Variants in STS observed in about 807,000 individuals in gnomAD.
STS encodes the protein steryl-sulfatase.
Under a neutral mutation model 26.8 loss-of-function variants are expected in STS, and 7 were observed. The ratio of observed to expected loss-of-function variants is 0.26; its 90% CI spans 0.15 to 0.49. STS has a LOEUF of 0.49. Ranked by LOEUF, STS falls within the 20% of genes least tolerant of loss-of-function variation. The pLI is 0.98. For missense variants in STS, 434 were observed against 465.6 expected (o/e 0.93, Z 0.63); for synonymous variants, 199 against 189.4 (o/e 1.05, Z -0.42).
chrX:7,230,862 G>A (rs1922028473), intron 2 of STS, among the ~76,000 whole-genome samples: 1 of 111,658 alleles, frequency 9.0e-6, no homozygotes, highest in Non-Finnish European at 1.9e-5. Flanking sequence ...ACCATATTAG[G>A]CATAAAAGGA....
chrX:7,268,743 G>C (rs1447065047), intron 6 of STS, among the ~76,000 whole-genome samples: 3 of 111,661 alleles, frequency 2.7e-5, no homozygotes, highest in Non-Finnish European at 5.6e-5. Flanking sequence ...CGGGCACAGT[G>C]GCTCATGCCT....
At chrX:7,251,093 T>A (rs754872281) in intron 2 of STS, among the ~76,000 whole-genome samples, 1 of 112,286 alleles carries the variant, frequency 8.9e-6, no homozygotes, top group East Asian at 2.8e-4. Flanking sequence ...TGGAAGCTGC[T>A]ACAAGGGTGA....
At chrX:7,268,106 TG>T (rs1424659671) in intron 6 of STS, among the ~76,000 whole-genome samples, 1 of 107,788 alleles carries the variant, frequency 9.3e-6, no homozygotes, top group South Asian at 4.2e-4. Flanking sequence ...AATCAAGGGG[TG>T]GGGGGGAAAC....
At chrX:7,241,644 C>T (rs1006411482) in intron 2 of STS, among the ~76,000 whole-genome samples, 1 of 112,089 alleles carries the variant, frequency 8.9e-6, no homozygotes, top group African/African-American at 3.2e-5. Flanking sequence ...ACAAAATTGA[C>T]CTTCTCACCT....
Position 7,257,449 on chromosome X carries a change from AT to A in STS, c.260-11del. On this transcript the variant is annotated splice_polypyrimidine_tract_variant and intron_variant, in intron 4 of 10. Coordinates refer to ENST00000674429, the MANE Select transcript of STS (RefSeq NM_001320752.2). ...GGTATCTCCTGGTTCCTAAGGGTTGATTTTTTCCTGGTCCAGGAATGGCATC... is the reference window on the plus strand; with the variant it reads ...GGTATCTCCTGGTTCCTAAGGGTTGATTTTTCCTGGTCCAGGAATGGCATC... The A allele has an allele frequency of 8.3e-7, 1 of 1,211,652 alleles. No homozygotes were observed. The highest frequency in any genetic ancestry group is 1.1e-6 in the Non-Finnish European group (1 of 895,389).
At chrX:7,184,051 A>G (rs199644893) in intron 1 of STS, among the ~76,000 whole-genome samples, 1 of 112,019 alleles carries the variant, frequency 8.9e-6, no homozygotes, top group South Asian at 3.8e-4. Flanking sequence ...TAAATGGAAG[A>G]CTAGCAATTC....
chrX:7,334,620 C>T (rs1723467554), intron 10 of STS, among the ~76,000 whole-genome samples: 1 of 111,832 alleles, frequency 8.9e-6, no homozygotes, highest in Non-Finnish European at 1.9e-5. Context: ...CAAAACATTC[C>T]CCTCACTCTT....
chrX:7,321,169 C>A (rs1195725297), intron 8 of STS, among the ~76,000 whole-genome samples: 15 of 111,537 alleles, frequency 1.3e-4, no homozygotes, highest in Non-Finnish European at 2.6e-4. Flanking sequence ...AATTAATGCA[C>A]GAACCTAAAA....
chrX:7,206,564 A>G (rs1425218522), intron 2 of STS, among the ~76,000 whole-genome samples: 2 of 112,166 alleles, frequency 1.8e-5, no homozygotes, highest in Non-Finnish European at 3.8e-5. Flanking sequence ...ATCTGCAAAA[A>G]TGGCTATTTC....
chrX:7,223,620 A>T (rs746006853), intron 2 of STS, among the ~76,000 whole-genome samples: 10 of 106,650 alleles, frequency 9.4e-5, no homozygotes, highest in Non-Finnish European at 1.7e-4. Context: ...TTTTTTTCTC[A>T]TTGAGTTGTT....
At chrX:7,332,146 G>A (rs1927780979) in intron 9 of STS, among the ~76,000 whole-genome samples, 1 of 109,115 alleles carries the variant, frequency 9.2e-6, no homozygotes, top group African/African-American at 3.3e-5. Flanking sequence ...TTCAAGGCCA[G>A]TCTGGGCAAA....
intron 2 of STS, among the ~76,000 whole-genome samples, chrX:7,244,503 T>C (rs1922773547): frequency 8.9e-6 from 1 of 111,897 alleles, no homozygotes; most frequent in South Asian, 3.8e-4. Context: ...AGGGAATGAA[T>C]TGCAATTCTG....
At chrX:7,176,097 G>A (rs1450927139) in intron 1 of STS, among the ~76,000 whole-genome samples, 5 of 111,472 alleles carry the variant, frequency 4.5e-5, no homozygotes, top group Admixed American at 9.6e-5. Context: ...TTTCCATTCA[G>A]AATATTCCTT....
intron 9 of STS, among the ~76,000 whole-genome samples, chrX:7,325,773 G>C (rs1166323177): frequency 2.7e-5 from 3 of 112,295 alleles, no homozygotes; most frequent in Non-Finnish European, 5.6e-5. Flanking sequence ...GTGTGTAGAA[G>C]TAGGATTGGA....
intron 2 of STS, among the ~76,000 whole-genome samples, chrX:7,242,914 A>C (rs1376913907): frequency 8.9e-6 from 1 of 112,031 alleles, no homozygotes; most frequent in Admixed American, 9.5e-5. Flanking sequence ...GACTGCTATA[A>C]TGTCATCTTT....
intron 2 of STS, among the ~76,000 whole-genome samples, chrX:7,201,672 T>C (rs1267809677): frequency 9.1e-6 from 1 of 110,332 alleles, no homozygotes; most frequent in Non-Finnish European, 1.9e-5. Context: ...CAAGTTGTTA[T>C]TGCTTCATGG....
chrX:7,273,008 G>A (rs1042166510), intron 6 of STS, among the ~76,000 whole-genome samples: 4 of 110,864 alleles, frequency 3.6e-5, no homozygotes, highest in Non-Finnish European at 7.6e-5. Context: ...AAATTAGCTG[G>A]GCATGGTGGT....
chrX:7,324,136 C>G (rs1444227617), intron 8 of STS, among the ~76,000 whole-genome samples: 4 of 108,348 alleles, frequency 3.7e-5, no homozygotes, highest in Non-Finnish European at 7.6e-5. Context: ...GTACATTGTT[C>G]AGTCTGGAAA....
intron 2 of STS, among the ~76,000 whole-genome samples, chrX:7,205,072 G>C (rs1182081868): frequency 3.6e-5 from 4 of 111,676 alleles, no homozygotes; most frequent in African/African-American, 1.3e-4. Context: ...GGCATGTGTG[G>C]TACCCAGACT....
Sources: allele counts gnomAD v4.1 joint callset (sites outside exome capture counted in the v4.1 genomes callset), GRCh38; gene constraint gnomAD v4.1.1; transcripts MANE v1.5; gene names NCBI Gene and HGNC (gene_info 2026-07-23, HGNC 2026-07-21).